Variants in PIP5K1C observed in about 807,000 individuals in gnomAD.
PIP5K1C encodes phosphatidylinositol-4-phosphate 5-kinase type 1 gamma.
Under a neutral mutation model 80.1 loss-of-function variants are expected in PIP5K1C, and 45 were observed. The ratio of observed to expected loss-of-function variants is 0.56; its 90% CI spans 0.44 to 0.72. The LOEUF (loss-of-function observed/expected upper bound fraction) is 0.72, where lower values mean the gene tolerates loss of function less well. PIP5K1C is among the 30% of genes least tolerant of loss of function. The probability of loss-of-function intolerance (pLI) is 0.00; values close to 1 mark genes in which losing one functional copy is unlikely to be tolerated. For synonymous variants in PIP5K1C, 498 were observed against 420.1 expected (o/e 1.19, Z -2.27); for missense variants, 753 against 954.6 (o/e 0.79, Z 2.78).
intron 1 of PIP5K1C, among the ~76,000 whole-genome samples, chr19:3,693,409 C>T (rs1054817422): frequency 5.9e-5 from 9 of 152,154 alleles, no homozygotes; most frequent in Non-Finnish European, 1.3e-4. Flanking sequence ...CTCAGGGTGG[C>T]GGGGAGGCAG....
Position 3,637,649 on chromosome 19 carries a change from G to A in PIP5K1C, c.1920+1235C>T, listed in dbSNP as rs918931542. On this transcript the variant is annotated intron_variant, in intron 16 of 17. Transcript: ENST00000335312. This position sits in a 1 kb window ranked among gnomAD's most constrained non-coding sequence, Gnocchi z 7.0. ...CGGGCCGGGTGGGCCGGAGGAGGAAGGAAAACAGAGGACAGCGGATGAGGC... is the reference window on the plus strand; with the variant it reads ...CGGGCCGGGTGGGCCGGAGGAGGAAAGAAAACAGAGGACAGCGGATGAGGC... 7 of 1,513,932 alleles carry A rather than the reference G, an allele frequency of 4.6e-6. No homozygotes were observed. In the Admixed American group the frequency reaches 1.2e-4, roughly 26 times the overall value. 93.8% of individuals were successfully genotyped at this position (1,513,932 alleles called of 1,614,324 possible). A position where few individuals can be genotyped will look rare whatever the true frequency, so the allele number is the denominator to read the frequency against.
At chr19:3,683,434 A>G (rs1030794194) in intron 1 of PIP5K1C, among the ~76,000 whole-genome samples, 4 of 152,190 alleles carry the variant, frequency 2.6e-5, no homozygotes, top group African/African-American at 9.6e-5. Context: ...GCTGGAGCGC[A>G]GGCAGGAGCT....
chr19:3,659,725 A>AG lies in PIP5K1C; in HGVS notation c.468+1240dup, dbSNP rs551996181. Among the ~76,000 whole-genome samples, 341 of 143,008 alleles carry AG rather than the reference A, an allele frequency of 2.4e-3. 1 individual carries two copies. The highest frequency in any genetic ancestry group is 7.8e-3 in the African/African-American group (309 of 39,802). 93.8% of individuals were successfully genotyped at this position (143,008 alleles called of 152,430 possible). ...CAGGCTGGAGTTCTCGGGGCGGGGG[A>AG]GGGGGGGGTGTCACACGTACCCCTG... is the stretch of plus-strand genomic sequence containing the variant. On this transcript the variant is annotated intron_variant, in intron 5 of 17. Transcript: ENST00000335312.
chr19:3,694,311 TG>T (rs1200753735), intron 1 of PIP5K1C, among the ~76,000 whole-genome samples: 1 of 151,314 alleles, frequency 6.6e-6, no homozygotes, highest in Non-Finnish European at 1.5e-5. Context: ...CACCAGGCCC[TG>T]GGACCACCCT....
At chr19:3,679,840 C>A (rs1177273543) in intron 1 of PIP5K1C, among the ~76,000 whole-genome samples, 1 of 152,242 alleles carries the variant, frequency 6.6e-6, no homozygotes, top group East Asian at 1.9e-4. Context: ...GCTGGGCACG[C>A]ATGGTGGACG....
chr19:3,680,510 G>T (rs933025605), intron 1 of PIP5K1C, among the ~76,000 whole-genome samples: 13 of 152,228 alleles, frequency 8.5e-5, no homozygotes, highest in South Asian at 4.1e-4. Context: ...CACCATGTTG[G>T]CCAGGCTGGT....
Position 3,688,811 on chromosome 19 carries a change from C to T in PIP5K1C, c.94+11486G>A, listed in dbSNP as rs2035854600. On this transcript the variant is annotated intron_variant, in intron 1 of 17. Coordinates refer to ENST00000335312, the MANE Select transcript of PIP5K1C (RefSeq NM_012398.3). This position sits in a 1 kb window ranked among gnomAD's most constrained non-coding sequence, Gnocchi z 5.3. ...GCTGGTGGGCCGGGGGAGGGGGACC[C>T]ACACCCACGTCGCCATGGCCCCCCA... Among the ~76,000 whole-genome samples the T allele has an allele frequency of 6.6e-6, 1 of 152,114 alleles. No homozygotes were observed. Among genetic ancestry groups the T allele is most frequent in the Non-Finnish European group, 1.5e-5 (1 of 68,000 alleles).
At chr19:3,678,119 AGATGGAGG>A (rs1302456175) in intron 1 of PIP5K1C, among the ~76,000 whole-genome samples, 1 of 76,300 alleles carries the variant, frequency 1.3e-5, no homozygotes, top group Non-Finnish European at 2.7e-5. Flanking sequence ...AGGGATGGAG[AGATGGAGG>A]GATGGAGAGA....
chr19:3,657,400 G>A (rs1394752465), intron 5 of PIP5K1C, among the ~76,000 whole-genome samples: 1 of 152,202 alleles, frequency 6.6e-6, no homozygotes, highest in African/African-American at 2.4e-5. Context: ...ATGGGGCTAA[G>A]GCCATCTGTG....
At position 3,667,932 on chromosome 19, in the gene PIP5K1C, C is replaced by A. The variant is rs1442719121; in HGVS notation, c.95-579G>T. 2.0e-5 allele frequency among the ~76,000 whole-genome samples: 3 copies of A among 152,290 alleles called. No homozygotes were observed. The South Asian group carries it at 6.2e-4, about 32-fold the overall frequency. On this transcript the variant is annotated intron_variant, in intron 1 of 17. Coordinates refer to ENST00000335312, the MANE Select transcript of PIP5K1C (RefSeq NM_012398.3). ...TTGCAGGGAGCGCCCAGCACCTGGGCAGCTGCGGTCAGTGGGAACTGGCCA... is the reference window on the plus strand; with the variant it reads ...TTGCAGGGAGCGCCCAGCACCTGGGAAGCTGCGGTCAGTGGGAACTGGCCA...
intron 1 of PIP5K1C, among the ~76,000 whole-genome samples, chr19:3,698,419 G>A (rs2036193138): frequency 2.0e-5 from 3 of 152,248 alleles, no homozygotes; most frequent in Non-Finnish European, 2.9e-5. Flanking sequence ...ACTGCCTGGC[G>A]CTCGCCCTCT....
At chr19:3,677,734 A>G (rs372154554) in intron 1 of PIP5K1C, among the ~76,000 whole-genome samples, 149 of 75,808 alleles carry the variant, frequency 2.0e-3, no homozygotes, top group African/African-American at 7.7e-3. Context: ...GAGGGATGGA[A>G]GGATGGTGGG....
In PIP5K1C at chr19:3,664,851, C is replaced by T. The variant is rs1033706490; in HGVS notation, c.190G>A (p.Asp64Asn). 7 of 1,613,162 alleles carry T rather than the reference C, an allele frequency of 4.3e-6. No homozygotes were observed. The highest frequency in any genetic ancestry group is 5.9e-6 in the Non-Finnish European group (7 of 1,179,986). Residue 64 changes from aspartate to asparagine, a missense_variant, in exon 3 of 18, where the codon GAC (aspartate) becomes AAC (asparagine). By Grantham distance (23) the Asp-to-Asn change is conservative. Coordinates refer to ENST00000335312, the MANE Select transcript of PIP5K1C (RefSeq NM_012398.3). ...TTGTAGGTGGTTTCGCCGGATGCGTCCACACCTCGATGGCCCAACTTCTTC... is the reference window on the plus strand; with the variant it reads ...TTGTAGGTGGTTTCGCCGGATGCGTTCACACCTCGATGGCCCAACTTCTTC... ...HGKKLGHRGV[D>N]ASGETTYKKT...
At chr19:3,639,060 C>G (rs777530565) in intron 15 of PIP5K1C, 44 bp from the exon 16 acceptor site, 1 of 1,602,560 alleles carries the variant, frequency 6.2e-7, no homozygotes, top group African/African-American at 1.3e-5. Context: ...TCAGGCCCCA[C>G]ACGGAGACTC....
intron 1 of PIP5K1C, among the ~76,000 whole-genome samples, chr19:3,681,939 C>CGTCA (rs1289518491): frequency 6.6e-6 from 1 of 152,160 alleles, no homozygotes; most frequent in Non-Finnish European, 1.5e-5. Context: ...ACTCCTTCCC[C>CGTCA]GTCAGCCTGG....
chr19:3,644,383 A>G, intron 11 of PIP5K1C, 132 bp from the exon 12 acceptor site: 1 of 889,540 alleles, frequency 1.1e-6, no homozygotes, highest in East Asian at 2.6e-5. Flanking sequence ...GAGGCCAGGA[A>G]GCACCACAAC....
At chr19:3,693,545 T>A (rs571729562) in intron 1 of PIP5K1C, among the ~76,000 whole-genome samples, 5 of 152,136 alleles carry the variant, frequency 3.3e-5, no homozygotes, top group Non-Finnish European at 5.9e-5. Context: ...TGGTCCTGCG[T>A]GAAGGGACAT....
intron 16 of PIP5K1C, among the ~76,000 whole-genome samples, chr19:3,638,507 G>A (rs2033802649): frequency 6.6e-6 from 1 of 152,244 alleles, no homozygotes. Context: ...CTCAGCCTGT[G>A]CCAGGGCCTC....
chr19:3,652,172 T>G (rs753369096), intron 7 of PIP5K1C, 141 bp from the exon 8 acceptor site: 2 of 701,126 alleles, frequency 2.9e-6, no homozygotes, highest in Non-Finnish European at 4.9e-6. Context: ...CAGGCAGGAG[T>G]GGGGGTTCTA....
Sources: allele counts gnomAD v4.1 joint callset (sites outside exome capture counted in the v4.1 genomes callset), GRCh38; gene constraint gnomAD v4.1.1; non-coding constraint Gnocchi (gnomAD v3.1); transcripts MANE v1.5; gene names NCBI Gene and HGNC (gene_info 2026-07-23, HGNC 2026-07-21).